Variants in ZNF765 observed in about 807,000 individuals in gnomAD.
ZNF765 encodes the protein zinc finger protein 765.
A neutral mutation model predicts 44.7 loss-of-function variants in ZNF765; 37 were observed. The ratio of observed to expected loss-of-function variants is 0.83; its 90% CI spans 0.64 to 1.09. The LOEUF is 1.09. Among genes scored for constraint, ZNF765 ranks in the 50% least tolerant of loss-of-function variants. ZNF765 has a pLI of 0.00. For synonymous variants in ZNF765, 201 were observed against 213.7 expected, an observed-to-expected ratio of 0.94 and a Z score of 0.52; for missense variants, 594 against 626.1, an observed-to-expected ratio of 0.95 and a Z score of 0.55.
rs544957242 is a variant in ZNF765, at chr19:53,408,716, G to A, written c.1161G>A (p.Glu387=). 3 of 1,531,994 alleles carry A rather than the reference G, an allele frequency of 2.0e-6. No individual in the cohort carries two copies. Among genetic ancestry groups the A allele is most frequent in the East Asian group, 2.4e-5 (1 of 41,216 alleles). The allele number at this position is 1,531,994 out of a possible 1,614,324, so 94.9% of individuals were successfully genotyped here. Residue 387 remains glutamate (E), a synonymous_variant, in exon 4 of 4, where the codon GAG becomes GAA. Transcript: ENST00000396408. ...GAGAGAAACCTTACAAGTGTAATGA[G>A]TGTAGCAAGACCTTTAGTCACAAGT... The part of the protein sequence containing the change: ...HTGEKPYKCN[E]CSKTFSHKSS...
chr19:53,417,214 T>A (rs2085880491), intron 3 of ZNF765, among the ~76,000 whole-genome samples: 1 of 152,198 alleles, frequency 6.6e-6, no homozygotes, highest in Non-Finnish European at 1.5e-5. Flanking sequence ...GTTGTACAGA[T>A]CACTTCATCA....
At chr19:53,397,540 C>T (rs1423361819) in intron 1 of ZNF765, among the ~76,000 whole-genome samples, 1 of 152,188 alleles carries the variant, frequency 6.6e-6, no homozygotes, top group Non-Finnish European at 1.5e-5. Context: ...CACAACCATG[C>T]CTGGCTAAGT....
intron 3 of ZNF765, among the ~76,000 whole-genome samples, chr19:53,404,538 T>A (rs1349398315): frequency 6.6e-6 from 1 of 151,726 alleles, no homozygotes; most frequent in Non-Finnish European, 1.5e-5. Context: ...CTGCAGCCTC[T>A]GCCTCCCAGG....
At position 53,410,382 on chromosome 19, in the gene ZNF765, T is replaced by G; in HGVS notation, c.*1255T>G. On this transcript the variant is annotated 3_prime_UTR_variant, in exon 4 of 4. Coordinates refer to ENST00000396408, the MANE Select transcript of ZNF765 (RefSeq NM_001040185.3). Reference sequence around the variant, plus strand: ...CAAGTTTTCAGTCACACTCAAACCTTGAAAGACACAGGAGAATTCCTACTG... The same window carrying G: ...CAAGTTTTCAGTCACACTCAAACCTGGAAAGACACAGGAGAATTCCTACTG... 3.0e-6 allele frequency: 1 copy of G among 337,112 alleles called. No homozygotes were observed. The highest frequency in any genetic ancestry group is 6.0e-6 in the Non-Finnish European group (1 of 166,336). The allele number at this position is 337,112 out of a possible 1,614,324, so 20.9% of individuals were successfully genotyped here.
Position 53,400,783 on chromosome 19 carries a change from T to TATATATATATATATATATAC in ZNF765, c.16-1281_16-1280insTATATATATATATATATACA, listed in dbSNP as rs10664389. ...GTTGACATATATATATATATATATA[T>TATATATATATATATATATAC]ACACACATACATAAAATGGATTTTC... On this transcript the variant is annotated intron_variant, in intron 2 of 3. Coordinates refer to ENST00000396408, the MANE Select transcript of ZNF765 (RefSeq NM_001040185.3). Among the ~76,000 whole-genome samples, 1,089 of 126,630 alleles carry TATATATATATATATATATAC rather than the reference T, an allele frequency of 8.6e-3. 7 individuals carry two copies. The highest frequency in any genetic ancestry group is 0.013 in the Non-Finnish European group (792 of 60,714). The allele number at this position is 126,630 out of a possible 152,430, so 83.1% of individuals were successfully genotyped here.
At chr19:53,397,544 G>C (rs1393510353) in intron 1 of ZNF765, among the ~76,000 whole-genome samples, 1 of 152,172 alleles carries the variant, frequency 6.6e-6, no homozygotes, top group Non-Finnish European at 1.5e-5. Context: ...ACCATGCCTG[G>C]CTAAGTTTTT....
Position 53,405,948 on chromosome 19 carries a change from T to TATATAA in ZNF765, c.143-1747_143-1746insTAAATA, listed in dbSNP as rs1555832274. On this transcript the variant is annotated intron_variant, in intron 3 of 3. Transcript: ENST00000396408. ...ATATATATATATATATATATATATA[T>TATATAA]ATAAAATTGCTGTATTGCCTGGCTG... Among the ~76,000 whole-genome samples, 58 of 123,582 alleles carry TATATAA rather than the reference T, an allele frequency of 4.7e-4. 1 individual carries two copies. Among genetic ancestry groups the TATATAA allele is most frequent in the Non-Finnish European group, 9.5e-4 (55 of 57,880 alleles). The allele number at this position is 123,582 out of a possible 152,430, so 81.1% of individuals were successfully genotyped here. A position where few individuals can be genotyped will look rare whatever the true frequency, so the allele number is the denominator to read the frequency against.
At chr19:53,401,892 A>G (rs765507399) in intron 2 of ZNF765, 173 bp from the exon 3 acceptor site, 5 of 1,536,934 alleles carry the variant, frequency 3.3e-6, no homozygotes, top group Non-Finnish European at 4.4e-6. Context: ...AAAAAAAAAG[A>G]ACTTTAGTAA....
Position 53,411,248 on chromosome 19 carries a change from T to C in ZNF765, c.*2121T>C. ...CAGCCTGGCCAACAGACGTGAGCCATTTTCCCAGCCTGTTTTTTGTTTCTT... is the reference window on the plus strand; with the variant it reads ...CAGCCTGGCCAACAGACGTGAGCCACTTTCCCAGCCTGTTTTTTGTTTCTT... On this transcript the variant is annotated 3_prime_UTR_variant, in exon 4 of 4. Coordinates refer to ENST00000396408, the MANE Select transcript of ZNF765 (RefSeq NM_001040185.3). 1 of 153,406 alleles carries C rather than the reference T, an allele frequency of 6.5e-6. No homozygotes were observed. The highest frequency in any genetic ancestry group is 1.5e-5 in the Non-Finnish European group (1 of 68,880). 9.5% of individuals were successfully genotyped at this position (153,406 alleles called of 1,614,324 possible). A position where few individuals can be genotyped will look rare whatever the true frequency, so the allele number is the denominator to read the frequency against.
At chr19:53,403,573 G>A (rs1249976191) in intron 3 of ZNF765, among the ~76,000 whole-genome samples, 1 of 152,200 alleles carries the variant, frequency 6.6e-6, no homozygotes, top group Admixed American at 6.5e-5. Flanking sequence ...TTGTGCCCCA[G>A]TGGCTCACGC....
chr19:53,421,299 A>G (rs889147889), intron 3 of ZNF765, among the ~76,000 whole-genome samples: 1 of 152,054 alleles, frequency 6.6e-6, no homozygotes, highest in Non-Finnish European at 1.5e-5. Context: ...GATGGTAGAG[A>G]TAGTGATCAA....
intron 1 of ZNF765, among the ~76,000 whole-genome samples, chr19:53,395,869 C>G (rs2085663016): frequency 6.6e-6 from 1 of 151,918 alleles, no homozygotes; most frequent in Non-Finnish European, 1.5e-5. Context: ...CTTGTGTAGG[C>G]TAAAGGGATC....
chr19:53,419,271 A>G (rs1033283398), intron 3 of ZNF765, among the ~76,000 whole-genome samples: 1 of 152,198 alleles, frequency 6.6e-6, no homozygotes. Context: ...TGCCCTTATG[A>G]CCCACATACT....
chr19:53,409,140 G>A lies in ZNF765; in HGVS notation c.*13G>A. The A allele has an allele frequency of 6.2e-7, 1 of 1,602,154 alleles. No homozygotes were observed. Among genetic ancestry groups the A allele is most frequent in the Non-Finnish European group, 8.5e-7 (1 of 1,169,714 alleles). On this transcript the variant is annotated 3_prime_UTR_variant, in exon 4 of 4. Transcript: ENST00000396408. ...ACTACACGTGTAATGAGTGTGGTAA[G>A]ACCTTCAATCAGGAGTTAACCCTTA...
chr19:53,423,332 G>T, exon 4 of ZNF765: 1 of 622,414 alleles, frequency 1.6e-6, no homozygotes, highest in East Asian at 3.5e-5. Context: ...AGTCGCTGAC[G>T]CGGCACTGCT....
At chr19:53,399,167 A>G (rs2708848) in intron 2 of ZNF765, among the ~76,000 whole-genome samples, 11,033 of 151,688 alleles carry the variant, frequency 0.073, 812 homozygotes, top group East Asian at 0.18. Flanking sequence ...CATGTGCCAT[A>G]TTGGTGTGCT....
exon 4 of ZNF765, chr19:53,423,336 C>T (rs1418189495): frequency 3.4e-5 from 21 of 619,360 alleles, no homozygotes; most frequent in Non-Finnish European, 5.7e-5. Context: ...GCTGACGCGG[C>T]ACTGCTGTCC....
chr19:53,421,527 T>A (rs7259956), intron 3 of ZNF765, among the ~76,000 whole-genome samples: 6,725 of 152,282 alleles, frequency 0.044, 215 homozygotes, highest in African/African-American at 0.096. Flanking sequence ...TTATTTTTTT[T>A]TTTTGAGACG....
intron 3 of ZNF765, among the ~76,000 whole-genome samples, chr19:53,406,016 A>G (rs2085772113): frequency 1.9e-5 from 1 of 52,214 alleles, no homozygotes; most frequent in Non-Finnish European, 4.3e-5. Context: ...ACCCTCTGAC[A>G]CCGTTAGTCA....
Sources: gnomAD v4.1 joint callset for allele counts (sites outside exome capture counted in the v4.1 genomes callset) on GRCh38, gnomAD v4.1.1 for gene constraint, MANE v1.5 for transcripts, NCBI Gene and HGNC (gene_info 2026-07-23, HGNC 2026-07-21) for gene names.